Variants in CTTNBP2 observed in about 807,000 individuals in gnomAD.
CTTNBP2 encodes the protein cortactin binding protein 2.
In CTTNBP2, 108 loss-of-function variants were observed where a neutral mutation model predicts 156.9. The observed-to-expected ratio is 0.69, with a 90% CI of 0.59 to 0.81. The LOEUF is 0.81. CTTNBP2 is among the 30% of genes least tolerant of loss of function. The pLI is 0.00. For synonymous variants in CTTNBP2, 767 were observed against 751.8 expected (o/e 1.02, Z -0.33); for missense variants, 1,924 against 2,035.4 (o/e 0.95, Z 1.05).
rs1298639361 is a variant in CTTNBP2 at position 117,817,361 on chromosome 7, A to ATAAATAAATATAT, written c.190-6373_190-6372insATATATTTATTTA. ...AAAAAAAAAAAAAAAAAAAAAAAAA[A>ATAAATAAATATAT]ATATATATATATATATATATATATA... On this transcript the variant is annotated intron_variant, in intron 2 of 22. Coordinates refer to ENST00000160373, the MANE Select transcript of CTTNBP2 (RefSeq NM_033427.3). 4.9e-3 allele frequency among the ~76,000 whole-genome samples: 259 copies of ATAAATAAATATAT among 53,310 alleles called. 17 individuals carry two copies. The highest frequency in any genetic ancestry group is 7.4e-3 in the Non-Finnish European group (219 of 29,458). The allele number at this position is 53,310 out of a possible 152,430, so 35.0% of individuals were successfully genotyped here.
chr7:117,863,250 G>A (rs1803893364), intron 1 of CTTNBP2, among the ~76,000 whole-genome samples: 1 of 152,206 alleles, frequency 6.6e-6, no homozygotes, highest in Non-Finnish European at 1.5e-5. Flanking sequence ...ACTAGACAGA[G>A]AAGTTATTTG....
chr7:117,865,338 A>G (rs541806043), intron 1 of CTTNBP2, among the ~76,000 whole-genome samples: 1 of 152,076 alleles, frequency 6.6e-6, no homozygotes, highest in Non-Finnish European at 1.5e-5. Flanking sequence ...GCTATTTTTT[A>G]GTGATGAAAA....
At chr7:117,743,411 T>G (rs1437348351) in intron 14 of CTTNBP2, among the ~76,000 whole-genome samples, 1 of 152,180 alleles carries the variant, frequency 6.6e-6, no homozygotes, top group Admixed American at 6.6e-5. Context: ...GCTTAGGAGC[T>G]GGACTGCTGG....
At chr7:117,806,083 C>T (rs766256838) in intron 3 of CTTNBP2, among the ~76,000 whole-genome samples, 2 of 152,154 alleles carry the variant, frequency 1.3e-5, no homozygotes, top group Non-Finnish European at 2.9e-5. Flanking sequence ...GAACCACTTT[C>T]AAGCAGGGGC....
intron 12 of CTTNBP2, among the ~76,000 whole-genome samples, chr7:117,748,716 T>C (rs1187642164): frequency 6.6e-6 from 1 of 152,244 alleles, no homozygotes; most frequent in Non-Finnish European, 1.5e-5. Flanking sequence ...CCTGCTTTCA[T>C]AGTCTACCAC....
chr7:117,836,543 A>G (rs951598877), intron 2 of CTTNBP2, among the ~76,000 whole-genome samples: 1 of 152,210 alleles, frequency 6.6e-6, no homozygotes. Flanking sequence ...AGCCTGGGCG[A>G]CAGAGCGAGA....
At chr7:117,786,591 A>T (rs535240666) in intron 4 of CTTNBP2, among the ~76,000 whole-genome samples, 3 of 152,356 alleles carry the variant, frequency 2.0e-5, no homozygotes, top group African/African-American at 7.2e-5. Flanking sequence ...GTGGAACAGG[A>T]GGGAATGGGG....
chr7:117,830,029 T>C (rs1801507150), intron 2 of CTTNBP2, among the ~76,000 whole-genome samples: 1 of 152,192 alleles, frequency 6.6e-6, no homozygotes, highest in Non-Finnish European at 1.5e-5. Flanking sequence ...TCCTACTCCA[T>C]TCCATAGAAA....
intron 12 of CTTNBP2, among the ~76,000 whole-genome samples, chr7:117,746,620 C>CGT (rs891298253): frequency 7.2e-5 from 11 of 151,908 alleles, no homozygotes; most frequent in East Asian, 5.8e-4. Context: ...ATAGTGGCTG[C>CGT]GTGTGTGTGT....
chr7:117,717,872 A>G (rs1004698407), intron 22 of CTTNBP2, 146 bp downstream of exon 22: 1 of 553,350 alleles, frequency 1.8e-6, no homozygotes, highest in Admixed American at 3.4e-5. Flanking sequence ...TCTAAAACCT[A>G]ATGAACACTT....
intron 17 of CTTNBP2, among the ~76,000 whole-genome samples, chr7:117,725,700 C>CT (rs35475389): frequency 0.21 from 31,666 of 151,224 alleles, 3,536 homozygotes; most frequent in Non-Finnish European, 0.22. Context: ...CTTTTTTTTT[C>CT]TTTTTTTGAG....
At chr7:117,756,456 G>T in intron 12 of CTTNBP2, 99 bp downstream of exon 12, 1 of 873,586 alleles carries the variant, frequency 1.1e-6, no homozygotes, top group Non-Finnish European at 1.9e-6. Flanking sequence ...CACAGGGTGG[G>T]GGGGCTTGCA....
chr7:117,740,378 T>C (rs920309316), intron 14 of CTTNBP2, among the ~76,000 whole-genome samples: 5 of 152,164 alleles, frequency 3.3e-5, no homozygotes, highest in African/African-American at 4.8e-5. Context: ...CTGGCTTTCT[T>C]CTACGGCGTC....
At chr7:117,769,369 G>A (rs1307629633) in intron 8 of CTTNBP2, among the ~76,000 whole-genome samples, 1 of 152,180 alleles carries the variant, frequency 6.6e-6, no homozygotes, top group East Asian at 1.9e-4. Flanking sequence ...TGGAAGGATA[G>A]GAAACTGGGC....
At chr7:117,797,021 G>C (rs1007728520) in intron 3 of CTTNBP2, among the ~76,000 whole-genome samples, 2 of 152,154 alleles carry the variant, frequency 1.3e-5, no homozygotes, top group African/African-American at 4.8e-5. Flanking sequence ...TGTAAGAAAG[G>C]AGCCAATAGC....
intron 2 of CTTNBP2, among the ~76,000 whole-genome samples, chr7:117,840,502 G>A (rs1309675838): frequency 6.6e-6 from 1 of 152,124 alleles, no homozygotes; most frequent in Non-Finnish European, 1.5e-5. Flanking sequence ...ACTCCAGCCT[G>A]GGTGACAGAG....
intron 7 of CTTNBP2, among the ~76,000 whole-genome samples, chr7:117,780,170 T>C (rs886865079): frequency 4.6e-5 from 7 of 152,216 alleles, no homozygotes; most frequent in African/African-American, 1.7e-4. Context: ...TTGTCTGCCC[T>C]AGTTCTAAAA....
At chr7:117,864,069 C>T (rs1309713046) in intron 1 of CTTNBP2, among the ~76,000 whole-genome samples, 18 of 152,176 alleles carry the variant, frequency 1.2e-4, no homozygotes, top group Non-Finnish European at 2.9e-5. Flanking sequence ...TTATGAAAGA[C>T]ATTGCCAAGA....
At chr7:117,828,972 CT>C (rs1801450968) in intron 2 of CTTNBP2, among the ~76,000 whole-genome samples, 1 of 152,240 alleles carries the variant, frequency 6.6e-6, no homozygotes, top group Non-Finnish European at 1.5e-5. Context: ...CATTTCCTGA[CT>C]CTCCAACATG....
Sources: gnomAD v4.1 joint callset for allele counts (sites outside exome capture counted in the v4.1 genomes callset) on GRCh38, gnomAD v4.1.1 for gene constraint, MANE v1.5 for transcripts, NCBI Gene and HGNC (gene_info 2026-07-23, HGNC 2026-07-21) for gene names.